AK8: variants seen among roughly 807,000 people sequenced by gnomAD.
AK8 encodes ATP-AMP transphosphorylase 8.
In AK8, 44 loss-of-function variants were observed where a neutral mutation model predicts 54.6. The observed-to-expected ratio is 0.81, with a 90% CI of 0.63 to 1.04. The LOEUF (loss-of-function observed/expected upper bound fraction) is 1.04, where lower values mean the gene tolerates loss of function less well. Ranked by LOEUF, AK8 falls within the 50% of genes least tolerant of loss-of-function variation. The pLI is 0.00. For synonymous variants in AK8, 239 were observed against 245.6 expected (o/e 0.97, Z 0.25); for missense variants, 555 against 613.6 (o/e 0.90, Z 1.01).
intron 11 of AK8, among the ~76,000 whole-genome samples, chr9:132,775,168 C>G (rs1839157315): frequency 6.6e-6 from 1 of 152,166 alleles, no homozygotes; most frequent in Non-Finnish European, 1.5e-5. Context: ...CAAGAGTCAG[C>G]AGGAAAGTTG....
intron 11 of AK8, among the ~76,000 whole-genome samples, chr9:132,741,754 G>T (rs1837403806): frequency 6.6e-6 from 1 of 152,116 alleles, no homozygotes; most frequent in Non-Finnish European, 1.5e-5. Context: ...TCTAAGTATG[G>T]AACATTTTCA....
At chr9:132,768,509 T>C (rs59246869) in intron 11 of AK8, among the ~76,000 whole-genome samples, 4,975 of 152,262 alleles carry the variant, frequency 0.033, 266 homozygotes, top group African/African-American at 0.11. Context: ...TCAGGTGATC[T>C]GCCCACCTCA....
intron 5 of AK8, among the ~76,000 whole-genome samples, chr9:132,831,564 C>G (rs944241272): frequency 1.3e-5 from 2 of 152,058 alleles, no homozygotes; most frequent in East Asian, 3.9e-4. Context: ...GAAGCGGGGT[C>G]AGGCAACTGG....
chr9:132,856,928 T>C (rs528319973), intron 4 of AK8, among the ~76,000 whole-genome samples: 28 of 152,108 alleles, frequency 1.8e-4, no homozygotes, highest in African/African-American at 5.5e-4. Flanking sequence ...TGGATGAATA[T>C]GTTCACTTTA....
chr9:132,829,465 T>C (rs1002170477), intron 5 of AK8, among the ~76,000 whole-genome samples: 1 of 152,156 alleles, frequency 6.6e-6, no homozygotes, highest in African/African-American at 2.4e-5. Context: ...TCTTTGTGCA[T>C]CTAGCGCTTT....
chr9:132,834,770 T>C (rs1015921778), intron 5 of AK8, among the ~76,000 whole-genome samples: 1 of 152,162 alleles, frequency 6.6e-6, no homozygotes. Flanking sequence ...AACGTGCAGA[T>C]GCGGGGATAT....
chr9:132,735,201 CT>C (rs66838911), intron 11 of AK8, among the ~76,000 whole-genome samples: 29,435 of 152,074 alleles, frequency 0.19, 3,310 homozygotes, highest in East Asian at 0.4. Context: ...CTGGGATCCC[CT>C]GACCCACCCT....
chr9:132,818,937 T>C (rs1418592461), intron 9 of AK8, among the ~76,000 whole-genome samples: 2 of 151,510 alleles, frequency 1.3e-5, no homozygotes, highest in East Asian at 3.9e-4. Context: ...AGAAAAAGAA[T>C]AGAAGGTATA....
chr9:132,787,035 T>C (rs1282653371), intron 11 of AK8, among the ~76,000 whole-genome samples: 1 of 152,024 alleles, frequency 6.6e-6, no homozygotes, highest in African/African-American at 2.4e-5. Context: ...GAAGAGAAAG[T>C]TGAGGAAATC....
chr9:132,809,084 A>G (rs1294408832), intron 10 of AK8, among the ~76,000 whole-genome samples: 1 of 152,182 alleles, frequency 6.6e-6, no homozygotes, highest in East Asian at 1.9e-4. Flanking sequence ...TGAGCTCCTG[A>G]ACCTTACAGA....
intron 11 of AK8, among the ~76,000 whole-genome samples, chr9:132,779,426 A>G (rs1348452596): frequency 6.6e-6 from 1 of 152,210 alleles, no homozygotes; most frequent in African/African-American, 2.4e-5. Flanking sequence ...GGCTCAAGCA[A>G]TCCTCCTACC....
chr9:132,798,474 TCAGA>T (rs1214341197), intron 10 of AK8, among the ~76,000 whole-genome samples: 1 of 152,164 alleles, frequency 6.6e-6, no homozygotes, highest in East Asian at 1.9e-4. Context: ...TCTCCTCCTC[TCAGA>T]CAGAGATTTT....
intron 11 of AK8, among the ~76,000 whole-genome samples, chr9:132,735,786 C>CA (rs1410905684): frequency 6.6e-6 from 1 of 152,190 alleles, no homozygotes; most frequent in African/African-American, 2.4e-5. Context: ...GCATGATTCG[C>CA]AACAGCCAAA....
At chr9:132,800,040 A>G (rs751868860) in intron 10 of AK8, among the ~76,000 whole-genome samples, 2 of 152,078 alleles carry the variant, frequency 1.3e-5, no homozygotes, top group Admixed American at 6.5e-5. Context: ...ATTTCACACA[A>G]CCTGGTGCCT....
intron 5 of AK8, among the ~76,000 whole-genome samples, chr9:132,849,751 A>G (rs1161767984): frequency 6.6e-6 from 1 of 152,150 alleles, no homozygotes; most frequent in African/African-American, 2.4e-5. Context: ...GGGGCTTCCC[A>G]ATCAATATAT....
intron 11 of AK8, among the ~76,000 whole-genome samples, chr9:132,771,449 T>A (rs1696216546): frequency 1.3e-5 from 2 of 152,196 alleles, no homozygotes; most frequent in African/African-American, 4.8e-5. Flanking sequence ...CTTCCCTGGA[T>A]CGTACAATCC....
At chr9:132,747,443 G>A (rs1420338962) in intron 11 of AK8, among the ~76,000 whole-genome samples, 1 of 142,584 alleles carries the variant, frequency 7.0e-6, no homozygotes, top group Non-Finnish European at 1.5e-5. Flanking sequence ...ATAAGGCACT[G>A]CACCCAGCAT....
intron 10 of AK8, among the ~76,000 whole-genome samples, chr9:132,811,597 T>C (rs1841010295): frequency 6.6e-6 from 1 of 152,258 alleles, no homozygotes; most frequent in East Asian, 1.9e-4. Flanking sequence ...TGTGTTGTTC[T>C]AAACCATGAC....
chr9:132,804,451 T>C (rs1439945771), intron 10 of AK8, among the ~76,000 whole-genome samples: 1 of 152,116 alleles, frequency 6.6e-6, no homozygotes, highest in Non-Finnish European at 1.5e-5. Context: ...GTCAGAGTCC[T>C]GCAATCAAGA....
Sources: gnomAD v4.1 joint callset for allele counts (sites outside exome capture counted in the v4.1 genomes callset) on GRCh38, gnomAD v4.1.1 for gene constraint, MANE v1.5 for transcripts, NCBI Gene and HGNC (gene_info 2026-07-23, HGNC 2026-07-21) for gene names.